CDH13: variants seen among roughly 807,000 people sequenced by gnomAD.
The protein encoded by CDH13 is cadherin 13, also known as cadherin-13.
Under a neutral mutation model 63.8 loss-of-function variants are expected in CDH13, and 24 were observed. That is an observed-to-expected ratio of 0.38 (90% confidence interval 0.27 to 0.53). The LOEUF (loss-of-function observed/expected upper bound fraction) is 0.53. Ranked by LOEUF, CDH13 falls within the 20% of genes least tolerant of loss-of-function variation. The pLI is 0.85. For missense variants in CDH13, 1,049 were observed against 903.1 expected (o/e 1.16, Z -2.07); for synonymous variants, 503 against 355.3 (o/e 1.42, Z -4.67).
intron 2 of CDH13, among the ~76,000 whole-genome samples, chr16:83,007,540 T>C (rs984133033): frequency 6.6e-6 from 1 of 152,020 alleles, no homozygotes; most frequent in Admixed American, 6.5e-5. Flanking sequence ...GTAAGAAAAA[T>C]GTCTTAAGGC....
chr16:83,139,382 G>A (rs776978994), intron 4 of CDH13, among the ~76,000 whole-genome samples: 3 of 152,164 alleles, frequency 2.0e-5, no homozygotes, highest in Non-Finnish European at 4.4e-5. Flanking sequence ...TGTAACAGCT[G>A]TGTTCACTGT....
At position 83,047,121 on chromosome 16, in the gene CDH13, T is replaced by C. The variant is rs1046876513; in HGVS notation, c.366+14903T>C. ...TTACAACTTCCTTCCTTTGAAGATATAAAGCTTTAAACAGTAGTAGTTCTC... is the reference window on the plus strand; with the variant it reads ...TTACAACTTCCTTCCTTTGAAGATACAAAGCTTTAAACAGTAGTAGTTCTC... On this transcript the variant is annotated intron_variant, in intron 3 of 13. Transcript: ENST00000567109. This position sits in a 1 kb window ranked among gnomAD's most constrained non-coding sequence, Gnocchi z 4.9. 6.6e-6 allele frequency among the ~76,000 whole-genome samples: 1 copy of C among 152,220 alleles called. No homozygotes were observed. The highest frequency in any genetic ancestry group is 1.5e-5 in the Non-Finnish European group (1 of 68,040).
intron 1 of CDH13, among the ~76,000 whole-genome samples, chr16:82,850,576 A>G (rs2039441413): frequency 6.6e-6 from 1 of 152,226 alleles, no homozygotes; most frequent in African/African-American, 2.4e-5. Flanking sequence ...GCAGGGTTTG[A>G]GAGGACTGCT....
intron 10 of CDH13, among the ~76,000 whole-genome samples, chr16:83,732,339 G>T (rs142865314): frequency 1.3e-5 from 2 of 152,276 alleles, no homozygotes; most frequent in African/African-American, 4.8e-5. Context: ...GAGAGGTGAG[G>T]GGGAGAAACC....
Position 83,797,669 on chromosome 16 carries a change from C to G in CDH13, c.*2639C>G, listed in dbSNP as rs1380040948. 2 of 152,136 alleles carry G rather than the reference C, an allele frequency of 1.3e-5. No individual in the cohort carries two copies. The highest frequency in any genetic ancestry group is 1.9e-4 in the East Asian group (1 of 5,194). The allele number at this position is 152,136 out of a possible 1,614,324, so 9.4% of individuals were successfully genotyped here. A position where few individuals can be genotyped will look rare whatever the true frequency, so the allele number is the denominator to read the frequency against. ...AATCAAAATGTTATTTCATTATTAC[C>G]TATGCATTTTATCTGAGTCCAACTT... is the stretch of plus-strand genomic sequence containing the variant. On this transcript the variant is annotated 3_prime_UTR_variant, in exon 14 of 14. Coordinates refer to ENST00000567109, the MANE Select transcript of CDH13 (RefSeq NM_001257.5).
At chr16:83,535,711 T>C (rs1233145534) in intron 7 of CDH13, among the ~76,000 whole-genome samples, 1 of 152,114 alleles carries the variant, frequency 6.6e-6, no homozygotes, top group Non-Finnish European at 1.5e-5. Flanking sequence ...TATGATAATG[T>C]TCATTTTTTT....
chr16:82,674,904 C>G (rs563153887), intron 1 of CDH13, among the ~76,000 whole-genome samples: 1 of 152,020 alleles, frequency 6.6e-6, no homozygotes, highest in Non-Finnish European at 1.5e-5. Context: ...TCTCTGGATT[C>G]AAAAAGTCAT....
chr16:83,317,155 T>G (rs1237336175), intron 5 of CDH13, among the ~76,000 whole-genome samples: 3 of 152,196 alleles, frequency 2.0e-5, no homozygotes. Context: ...CACCATTAAT[T>G]ATCTGGTCCC....
intron 1 of CDH13, among the ~76,000 whole-genome samples, chr16:82,854,209 C>G (rs1307751225): frequency 6.6e-6 from 1 of 151,924 alleles, no homozygotes; most frequent in Non-Finnish European, 1.5e-5. Context: ...ACCACCCTGG[C>G]CAACATGTTG....
At chr16:83,008,511 C>A (rs145161358) in intron 2 of CDH13, among the ~76,000 whole-genome samples, 1 of 152,178 alleles carries the variant, frequency 6.6e-6, no homozygotes. Context: ...AAAATGCGTA[C>A]AACAAAGTAT....
At chr16:83,107,533 G>A (rs1391973379) in intron 3 of CDH13, among the ~76,000 whole-genome samples, 1 of 152,176 alleles carries the variant, frequency 6.6e-6, no homozygotes, top group Non-Finnish European at 1.5e-5. Flanking sequence ...GGACACCAGA[G>A]GAAGTAGTTT....
chr16:82,941,409 T>C lies in CDH13; in HGVS notation c.157+82936T>C, dbSNP rs2151309044. Among the ~76,000 whole-genome samples, 2 of 152,296 alleles carry C rather than the reference T, an allele frequency of 1.3e-5. 1 individual carries two copies. Among genetic ancestry groups the C allele is most frequent in the Middle Eastern group, 6.8e-3 (2 of 294 alleles). On this transcript the variant is annotated intron_variant, in intron 2 of 13. Transcript: ENST00000567109. ...TCTGGAATTTCACGGGGGTGGGTGC[T>C]CACCTACCAAAGGTCCCCTCCTAGC...
chr16:82,967,799 C>T (rs1908082179), intron 2 of CDH13, among the ~76,000 whole-genome samples: 1 of 152,202 alleles, frequency 6.6e-6, no homozygotes, highest in South Asian at 2.1e-4. Flanking sequence ...GTGACATTAA[C>T]TTGGACCACT....
At chr16:83,019,495 CTTTTT>C (rs769273795) in intron 2 of CDH13, among the ~76,000 whole-genome samples, 2 of 132,318 alleles carry the variant, frequency 1.5e-5, no homozygotes, top group Non-Finnish European at 1.6e-5. Context: ...TTAACATTTT[CTTTTT>C]TTTTTTTTTT....
At chr16:83,336,636 A>G (rs561731246) in intron 5 of CDH13, among the ~76,000 whole-genome samples, 79 of 152,368 alleles carry the variant, frequency 5.2e-4, no homozygotes, top group South Asian at 1.2e-3. Context: ...GTTGAACTAT[A>G]TCATCTCAAA....
At chr16:82,818,811 A>T (rs2037854485) in intron 1 of CDH13, among the ~76,000 whole-genome samples, 1 of 152,184 alleles carries the variant, frequency 6.6e-6, no homozygotes, top group Non-Finnish European at 1.5e-5. Flanking sequence ...TTGCGTATTC[A>T]TATGTCTGCA....
At chr16:82,635,508 T>C (rs1159259595) in intron 1 of CDH13, among the ~76,000 whole-genome samples, 2 of 152,094 alleles carry the variant, frequency 1.3e-5, no homozygotes, top group South Asian at 2.1e-4. Flanking sequence ...TGCAAGAATA[T>C]TGGTGTTTTT....
chr16:83,302,472 C>G (rs1167465529), intron 5 of CDH13, among the ~76,000 whole-genome samples: 2 of 152,224 alleles, frequency 1.3e-5, no homozygotes, highest in African/African-American at 4.8e-5. Flanking sequence ...ATTTTTCACA[C>G]TGCACAAATG....
At chr16:83,498,707 A>G (rs1408378254) in intron 7 of CDH13, among the ~76,000 whole-genome samples, 1 of 152,222 alleles carries the variant, frequency 6.6e-6, no homozygotes, top group Admixed American at 6.5e-5. Flanking sequence ...ATACAAATCA[A>G]TATTATTGAT....
Sources: gnomAD v4.1 joint callset for allele counts (sites outside exome capture counted in the v4.1 genomes callset) on GRCh38, gnomAD v4.1.1 for gene constraint, Gnocchi (gnomAD v3.1) non-coding constraint, MANE v1.5 for transcripts, NCBI Gene and HGNC (gene_info 2026-07-23, HGNC 2026-07-21) for gene names.